The following MALRD1 variants were observed in gnomAD, a reference collection of about 807,000 sequenced individuals.
The protein encoded by MALRD1 is MAM and LDL-receptor class A domain-containing protein 1.
In MALRD1, 247 loss-of-function variants were observed where a neutral mutation model predicts 242.1. That is an observed-to-expected ratio of 1.02 (90% CI 0.92 to 1.13). The LOEUF is 1.13. Among genes scored for constraint, MALRD1 ranks in the 50% most tolerant of loss-of-function variants. The probability of loss-of-function intolerance (pLI) is 0.00; values close to 1 mark genes in which losing one functional copy is unlikely to be tolerated. For missense variants in MALRD1, 2,989 were observed against 2,533.1 expected, an observed-to-expected ratio of 1.18 and a Z score of -3.86; for synonymous variants, 995 against 866.6, an observed-to-expected ratio of 1.15 and a Z score of -2.60.
At chr10:19,497,249 C>T (rs1318158647) in intron 30 of MALRD1, among the ~76,000 whole-genome samples, 1 of 151,374 alleles carries the variant, frequency 6.6e-6, no homozygotes, top group African/African-American at 2.4e-5. Flanking sequence ...GGCTAAACAC[C>T]AGCAGAACGG....
intron 10 of MALRD1, among the ~76,000 whole-genome samples, chr10:19,143,210 A>T (rs573117211): frequency 6.6e-6 from 1 of 152,248 alleles, no homozygotes; most frequent in Non-Finnish European, 1.5e-5. Flanking sequence ...CCTAAAGCCA[A>T]ATTTCAACAT....
At chr10:19,704,245 G>A (rs480147) in intron 38 of MALRD1, among the ~76,000 whole-genome samples, 116,280 of 152,112 alleles carry the variant, frequency 0.76, 47,420 homozygotes, top group Non-Finnish European at 0.89. Context: ...TTGGGCTATT[G>A]CAACAAAATA....
chr10:19,168,090 C>T (rs933775225), intron 13 of MALRD1, among the ~76,000 whole-genome samples: 1 of 152,168 alleles, frequency 6.6e-6, no homozygotes, highest in Non-Finnish European at 1.5e-5. Flanking sequence ...AAAGGGAATT[C>T]CCGCTTGATC....
chr10:19,320,439 A>T (rs1341888714), intron 21 of MALRD1, among the ~76,000 whole-genome samples: 1 of 152,086 alleles, frequency 6.6e-6, no homozygotes, highest in Admixed American at 6.6e-5. Flanking sequence ...CATGGTGTAT[A>T]TGTGCCAAAT....
At chr10:19,336,383 T>C (rs1421403863) in intron 24 of MALRD1, among the ~76,000 whole-genome samples, 1 of 152,202 alleles carries the variant, frequency 6.6e-6, no homozygotes, top group East Asian at 1.9e-4. Context: ...AAGGATGCAA[T>C]AGAGTTGACC....
rs545852237 is a variant in MALRD1 at position 19,453,554 on chromosome 10, C to G, written c.5029+3064C>G. Reference sequence around the variant, plus strand: ...TTTTTAAATGAAAGGAATGACTAATCTGGGCAACATAGTGAAACTCCCATC... The same window carrying G: ...TTTTTAAATGAAAGGAATGACTAATGTGGGCAACATAGTGAAACTCCCATC... On this transcript the variant is annotated intron_variant, in intron 29 of 39. Transcript: ENST00000454679. Among the ~76,000 whole-genome samples the G allele has an allele frequency of 8.5e-5, 13 of 152,210 alleles. No individual in the cohort carries two copies. The East Asian group carries it at 2.5e-3, about 29-fold the overall frequency.
intron 25 of MALRD1, among the ~76,000 whole-genome samples, chr10:19,350,256 A>AT (rs1422303478): frequency 1.5e-5 from 2 of 134,782 alleles, no homozygotes; most frequent in Non-Finnish European, 1.6e-5. Flanking sequence ...GACCTTAATG[A>AT]TTTTTTCTTT....
rs116443835 is a variant in MALRD1 at position 19,702,230 on chromosome 10, A to G, written c.6314+9676A>G. On this transcript the variant is annotated intron_variant, in intron 38 of 39. Coordinates refer to ENST00000454679, the MANE Select transcript of MALRD1 (RefSeq NM_001142308.3). ...AATTATTTTAGGAAATATTCAAGTG[A>G]TAATGTTCAAAAACCACTACAGCAA... is the stretch of plus-strand genomic sequence containing the variant. Among the ~76,000 whole-genome samples the G allele has an allele frequency of 6.9e-3, 1,057 of 152,330 alleles. 13 individuals are homozygous for G. Among genetic ancestry groups the G allele is most frequent in the African/African-American group, 0.023 (957 of 41,576 alleles).
At position 19,558,297 on chromosome 10, in the gene MALRD1, C is replaced by T. The variant is rs371012043; in HGVS notation, c.5479-9205C>T. Among the ~76,000 whole-genome samples the T allele has an allele frequency of 8.6e-4, 131 of 152,126 alleles. 1 individual carries two copies. The highest frequency in any genetic ancestry group is 2.6e-3 in the African/African-American group (109 of 41,530). On this transcript the variant is annotated intron_variant, in intron 32 of 39. Transcript: ENST00000454679. ...TGATGTTAAATAGGAGTTGTGAGAG[C>T]ACACATCCTTGCTTGTTCATGATTT...
chr10:19,478,468 C>T (rs1202865237), intron 29 of MALRD1, among the ~76,000 whole-genome samples: 2 of 152,142 alleles, frequency 1.3e-5, no homozygotes, highest in African/African-American at 4.8e-5. Context: ...ACTAAACACA[C>T]AACGTATCTC....
At chr10:19,570,587 C>A (rs1348272991) in intron 33 of MALRD1, among the ~76,000 whole-genome samples, 1 of 151,892 alleles carries the variant, frequency 6.6e-6, no homozygotes, top group Non-Finnish European at 1.5e-5. Context: ...GCATTGAACA[C>A]CTATGTCATA....
chr10:19,572,542 G>T (rs1369058735), intron 33 of MALRD1, among the ~76,000 whole-genome samples: 1 of 152,144 alleles, frequency 6.6e-6, no homozygotes. Flanking sequence ...ACCATAGCTA[G>T]GAAGTGGATT....
chr10:19,108,388 T>TTC (rs1836550779), intron 5 of MALRD1, among the ~76,000 whole-genome samples: 1 of 7,782 alleles, frequency 1.3e-4, no homozygotes, highest in South Asian at 6.4e-3. Flanking sequence ...TTGTTTTTTC[T>TTC]TTTTTTTTTT....
intron 28 of MALRD1, among the ~76,000 whole-genome samples, chr10:19,401,368 T>G (rs1846836189): frequency 1.3e-5 from 2 of 152,168 alleles, no homozygotes; most frequent in Non-Finnish European, 2.9e-5. Flanking sequence ...TAACATAATG[T>G]ATTTAAATTA....
chr10:19,346,248 G>A (rs1844118605), intron 24 of MALRD1, among the ~76,000 whole-genome samples: 1 of 152,090 alleles, frequency 6.6e-6, no homozygotes, highest in Non-Finnish European at 1.5e-5. Flanking sequence ...AATAGAACTT[G>A]GACATTCTTA....
In MALRD1 at chr10:19,391,051, C is replaced by G. The variant is rs557497626; in HGVS notation, c.4845+1442C>G. ...GTTTGCTTTGATTATTTGCTTCAGT[C>G]GTATTTACATTTCAATTATGTTACA... On this transcript the variant is annotated intron_variant, in intron 28 of 39. Transcript: ENST00000454679. Among the ~76,000 whole-genome samples the G allele has an allele frequency of 7.2e-5, 11 of 152,120 alleles. No individual in the cohort carries two copies. In the South Asian group the frequency reaches 2.1e-3, roughly 29 times the overall value.
At chr10:19,601,343 A>G (rs1036730109) in intron 34 of MALRD1, among the ~76,000 whole-genome samples, 12 of 152,082 alleles carry the variant, frequency 7.9e-5, no homozygotes, top group African/African-American at 2.9e-4. Flanking sequence ...ACTTATATTA[A>G]TAAAGAAGGA....
chr10:19,081,927 G>C (rs1469971409), intron 2 of MALRD1, among the ~76,000 whole-genome samples: 1 of 151,776 alleles, frequency 6.6e-6, no homozygotes, highest in Non-Finnish European at 1.5e-5. Context: ...GACAGCATAT[G>C]GTTAGATCAT....
rs143526752 is a variant in MALRD1, at chr10:19,473,549, C to T, written c.5030-17968C>T. Among the ~76,000 whole-genome samples, 434 of 152,142 alleles carry T rather than the reference C, an allele frequency of 2.9e-3. 3 individuals are homozygous for T. The highest frequency in any genetic ancestry group is 8.8e-3 in the African/African-American group (365 of 41,556). On this transcript the variant is annotated intron_variant, in intron 29 of 39. Transcript: ENST00000454679. ...TCTGTGAATTTTTCTACTCTGGGTG[C>T]CACACATGAGTGGAATCATACAGTA...
Sources: allele counts gnomAD v4.1 joint callset (sites outside exome capture counted in the v4.1 genomes callset), GRCh38; gene constraint gnomAD v4.1.1; transcripts MANE v1.5; gene names NCBI Gene and HGNC (gene_info 2026-07-23, HGNC 2026-07-21).